KANSL1L: variants seen among roughly 807,000 people sequenced by gnomAD.
The protein encoded by KANSL1L is KAT8 regulatory NSL complex subunit 1-like protein.
A neutral mutation model predicts 108.6 loss-of-function variants in KANSL1L; 25 were observed. The ratio of observed to expected loss-of-function variants is 0.23; its 90% confidence interval spans 0.17 to 0.32. The LOEUF (loss-of-function observed/expected upper bound fraction) is 0.32. KANSL1L is among the 10% of genes least tolerant of loss of function. KANSL1L has a pLI of 1.00. For synonymous variants in KANSL1L, 405 were observed against 395.1 expected (o/e 1.03, Z -0.30); for missense variants, 1,137 against 1,125.7 (o/e 1.01, Z -0.14).
At chr2:210,031,329 G>T in intron 9 of KANSL1L, 92 bp downstream of exon 9, 1 of 834,892 alleles carries the variant, frequency 1.2e-6, no homozygotes, top group Non-Finnish European at 1.9e-6. Context: ...TGGCTGTTCT[G>T]GATTATAAAC....
intron 6 of KANSL1L, among the ~76,000 whole-genome samples, chr2:210,060,923 G>A (rs936410689): frequency 8.5e-5 from 13 of 152,202 alleles, no homozygotes; most frequent in Admixed American, 3.3e-4. Flanking sequence ...ATTTATTATT[G>A]CTCAAGGGCT....
intron 2 of KANSL1L, among the ~76,000 whole-genome samples, chr2:210,131,714 T>C (rs944293855): frequency 5.3e-5 from 8 of 152,004 alleles, no homozygotes; most frequent in Non-Finnish European, 7.4e-5. Context: ...ATTTTCTTTT[T>C]TTTTTTTTTT....
intron 6 of KANSL1L, among the ~76,000 whole-genome samples, chr2:210,068,116 T>C (rs2094480319): frequency 6.6e-6 from 1 of 152,172 alleles, no homozygotes; most frequent in South Asian, 2.1e-4. Flanking sequence ...GACCTCGTGA[T>C]CCATCTGCCT....
intron 1 of KANSL1L, among the ~76,000 whole-genome samples, chr2:210,160,429 T>C (rs1031116748): frequency 2.6e-5 from 4 of 152,142 alleles, no homozygotes; most frequent in East Asian, 1.9e-4. Flanking sequence ...ATTTTCTACA[T>C]AGAAAATCCC....
At position 210,028,904 on chromosome 2, in the gene KANSL1L, C is replaced by A; in HGVS notation, c.2337G>T (p.Met779Ile). The change falls in exon 11 of 15, where the codon ATG (methionine) becomes ATT (isoleucine). Residue 779 changes from methionine (M) to isoleucine (I), a missense_variant. This residue lies in a region of KANSL1L where 575 missense variants were observed against 567.1 expected (regional missense o/e 1.01). Transcript: ENST00000281772. ...CTAATTTAGCTGGGGCTACTAATGA[C>A]ATGGGAATCACAATGTTATCTATGT... Reference protein sequence around the residue: ...SYDIDNIVIPMSLVAPAKLEK... With the variant: ...SYDIDNIVIPISLVAPAKLEK... 1 of 1,604,534 alleles carries A rather than the reference C, an allele frequency of 6.2e-7. No homozygotes were observed. Among genetic ancestry groups the A allele is most frequent in the Non-Finnish European group, 8.5e-7 (1 of 1,172,060 alleles).
At chr2:210,025,284 C>T (rs1026021410) in intron 12 of KANSL1L, 68 bp from the exon 13 acceptor site, 10 of 927,282 alleles carry the variant, frequency 1.1e-5, no homozygotes, top group East Asian at 5.2e-5. Context: ...AGGCTGGGCA[C>T]GGTGGCTCAC....
rs1417457504 is a variant in KANSL1L at position 210,129,309 on chromosome 2, G to A, written c.1089-137C>T. On this transcript the variant is annotated intron_variant, in intron 2 of 14. Coordinates refer to ENST00000281772, the MANE Select transcript of KANSL1L (RefSeq NM_152519.4). ...CATGTAATTACAGGAAGAGAGAATG[G>A]CAGATTGACTTCTTATCAAAGAAAA... 2.9e-5 allele frequency: 19 copies of A among 658,644 alleles called. No individual in the cohort carries two copies. In the Admixed American group the frequency reaches 3.6e-4, roughly 12 times the overall value. 40.8% of individuals were successfully genotyped at this position (658,644 alleles called of 1,614,324 possible).
intron 8 of KANSL1L, among the ~76,000 whole-genome samples, chr2:210,036,414 T>C (rs576721215): frequency 1.3e-5 from 2 of 152,210 alleles, no homozygotes; most frequent in Non-Finnish European, 2.9e-5. Flanking sequence ...ACTCCTGGGC[T>C]CAAGCGATCC....
At chr2:210,066,050 A>G (rs2094464724) in intron 6 of KANSL1L, among the ~76,000 whole-genome samples, 1 of 152,230 alleles carries the variant, frequency 6.6e-6, no homozygotes, top group Non-Finnish European at 1.5e-5. Context: ...TACAGCCCCA[A>G]TGAACCATGA....
intron 14 of KANSL1L, 71 bp downstream of exon 14, chr2:210,023,962 T>C (rs2093898346): frequency 3.8e-6 from 4 of 1,062,400 alleles, no homozygotes; most frequent in Non-Finnish European, 5.3e-6. Flanking sequence ...TTAATTTTTT[T>C]CAAGTAGTTT....
At chr2:210,048,969 T>C (rs936088103) in intron 6 of KANSL1L, among the ~76,000 whole-genome samples, 14 of 152,204 alleles carry the variant, frequency 9.2e-5, no homozygotes, top group African/African-American at 3.1e-4. Context: ...TTATTATAAA[T>C]TCTATGCAGG....
In KANSL1L at chr2:210,146,433, C is replaced by G. The variant is rs942845094; in HGVS notation, c.1088+7062G>C. On this transcript the variant is annotated intron_variant, in intron 2 of 14. Coordinates refer to ENST00000281772, the MANE Select transcript of KANSL1L (RefSeq NM_152519.4). ...TCAAAATTAGGAAAACAAAGGTGATCGTTTCCGATGATAAATACAATTAAC... is the reference window on the plus strand; with the variant it reads ...TCAAAATTAGGAAAACAAAGGTGATGGTTTCCGATGATAAATACAATTAAC... Among the ~76,000 whole-genome samples the G allele has an allele frequency of 2.6e-5, 4 of 152,316 alleles. No homozygotes were observed. The East Asian group carries it at 7.7e-4, about 29-fold the overall frequency.
At chr2:210,105,917 A>G (rs1462086029) in intron 3 of KANSL1L, among the ~76,000 whole-genome samples, 2 of 152,148 alleles carry the variant, frequency 1.3e-5, no homozygotes, top group East Asian at 1.9e-4. Context: ...TAAATTAGAT[A>G]TAATAGATAT....
intron 5 of KANSL1L, among the ~76,000 whole-genome samples, chr2:210,083,543 G>A (rs1341446951): frequency 2.0e-5 from 3 of 152,016 alleles, no homozygotes; most frequent in African/African-American, 4.8e-5. Flanking sequence ...TGGGAGATAC[G>A]AATGCATCAC....
At chr2:210,027,748 A>G (rs1180683450) in intron 11 of KANSL1L, among the ~76,000 whole-genome samples, 2 of 152,234 alleles carry the variant, frequency 1.3e-5, no homozygotes, top group Non-Finnish European at 1.5e-5. Flanking sequence ...CAGTAGTTTA[A>G]TAACTGGCTC....
chr2:210,047,712 C>G (rs2094240504), intron 6 of KANSL1L, among the ~76,000 whole-genome samples: 1 of 152,090 alleles, frequency 6.6e-6, no homozygotes, highest in South Asian at 2.1e-4. Flanking sequence ...GTCTGTTTTT[C>G]CTCTTGAATT....
At chr2:210,095,321 C>T (rs1035405510) in intron 5 of KANSL1L, among the ~76,000 whole-genome samples, 2 of 151,894 alleles carry the variant, frequency 1.3e-5, no homozygotes, top group Non-Finnish European at 2.9e-5. Context: ...AATCTTGACC[C>T]CCTCTCTCTA....
At chr2:210,103,334 G>T (rs770338055) in intron 4 of KANSL1L, among the ~76,000 whole-genome samples, 4 of 152,078 alleles carry the variant, frequency 2.6e-5, no homozygotes, top group Non-Finnish European at 4.4e-5. Context: ...GTGGGGGAAG[G>T]GGGGAGGGAT....
rs1239209387 is a variant in KANSL1L, at chr2:210,171,323, GCC to G, written c.-206_-205del. 7 of 164,932 alleles carry G rather than the reference GCC, an allele frequency of 4.2e-5. No individual in the cohort carries two copies. The highest frequency in any genetic ancestry group is 1.5e-4 in the African/African-American group (6 of 39,950). 10.2% of individuals were successfully genotyped at this position (164,932 alleles called of 1,614,324 possible). On this transcript the variant is annotated 5_prime_UTR_variant, in exon 1 of 15. Transcript: ENST00000281772. Reference sequence around the variant, plus strand: ...CGCCGCCGCCGCCGCCGCCGCCGCCGCCGCCGCCGCCGCCGCCGCGGTTTAAC... The same window carrying G: ...CGCCGCCGCCGCCGCCGCCGCCGCCGGCCGCCGCCGCCGCCGCGGTTTAAC...
Sources: allele counts gnomAD v4.1 joint callset (sites outside exome capture counted in the v4.1 genomes callset), GRCh38; gene constraint gnomAD v4.1.1; regional missense constraint gnomAD v4.1.1; transcripts MANE v1.5; gene names NCBI Gene and HGNC (gene_info 2026-07-23, HGNC 2026-07-21).